Variants in AUTS2 observed in about 807,000 individuals in gnomAD.
AUTS2 encodes autism susceptibility gene 2 protein.
In AUTS2, 17 loss-of-function variants were observed where a neutral mutation model predicts 112.4. That is an observed-to-expected ratio of 0.15 (90% CI 0.10 to 0.23). The LOEUF is 0.23. AUTS2 is among the 10% of genes least tolerant of loss of function. The pLI, the probability that AUTS2 is intolerant of heterozygous loss-of-function variation, is 1.00. For synonymous variants in AUTS2, 751 were observed against 702.7 expected (o/e 1.07, Z -1.09); for missense variants, 1,510 against 1,701.6 (o/e 0.89, Z 1.98).
In AUTS2 at chr7:69,698,095, A is replaced by G. The variant is rs552057598; in HGVS notation, c.309+98133A>G. On this transcript the variant is annotated intron_variant, in intron 1 of 18. Coordinates refer to ENST00000342771, the MANE Select transcript of AUTS2 (RefSeq NM_015570.4). ...GTAAAATACATCTATGTATAACTCA[A>G]TTTATACATAGAACTCTCTAGGGCA... 2.6e-5 allele frequency among the ~76,000 whole-genome samples: 4 copies of G among 152,300 alleles called. No homozygotes were observed. The South Asian group carries it at 6.2e-4, about 24-fold the overall frequency.
intron 1 of AUTS2, among the ~76,000 whole-genome samples, chr7:69,817,785 G>T (rs1790826292): frequency 6.6e-6 from 1 of 152,320 alleles, no homozygotes; most frequent in East Asian, 1.9e-4. Context: ...GGAGGCAGGT[G>T]CTGTCCCCTC....
At chr7:70,147,388 G>T (rs1234411409) in intron 4 of AUTS2, among the ~76,000 whole-genome samples, 1 of 116,214 alleles carries the variant, frequency 8.6e-6, no homozygotes, top group African/African-American at 3.3e-5. Context: ...GTGTGTAGAT[G>T]GAGGCAGAAC....
chr7:70,258,681 G>A (rs1405814685), intron 4 of AUTS2, among the ~76,000 whole-genome samples: 1 of 152,122 alleles, frequency 6.6e-6, no homozygotes, highest in African/African-American at 2.4e-5. Flanking sequence ...TGTGAAAATG[G>A]CATTTGTTTT....
chr7:70,154,838 G>C (rs980942687), intron 4 of AUTS2, among the ~76,000 whole-genome samples: 3 of 152,130 alleles, frequency 2.0e-5, no homozygotes, highest in Non-Finnish European at 4.4e-5. Context: ...GGCTATGGTT[G>C]GTTGGGTGCT....
chr7:70,753,213 C>T (rs2129555654), intron 6 of AUTS2, among the ~76,000 whole-genome samples: 1 of 152,280 alleles, frequency 6.6e-6, no homozygotes, highest in African/African-American at 2.4e-5. Flanking sequence ...CACTGGACTC[C>T]ACACAGCTCT....
chr7:69,979,480 A>C (rs933072893), intron 2 of AUTS2, among the ~76,000 whole-genome samples: 1 of 152,250 alleles, frequency 6.6e-6, no homozygotes, highest in Non-Finnish European at 1.5e-5. Context: ...AAGGATTTCA[A>C]TTACAGTCAT....
At chr7:70,188,248 T>G (rs1199314499) in intron 4 of AUTS2, among the ~76,000 whole-genome samples, 3 of 152,124 alleles carry the variant, frequency 2.0e-5, no homozygotes, top group Non-Finnish European at 4.4e-5. Context: ...AGGATAGGGT[T>G]TTATCATTCC....
chr7:70,633,498 C>T (rs1805375968), intron 5 of AUTS2, among the ~76,000 whole-genome samples: 1 of 151,730 alleles, frequency 6.6e-6, no homozygotes, highest in Non-Finnish European at 1.5e-5. Context: ...GTAATCCCAG[C>T]TGCTCGGGAG....
At chr7:70,683,810 T>C (rs187609402) in intron 5 of AUTS2, among the ~76,000 whole-genome samples, 13 of 152,336 alleles carry the variant, frequency 8.5e-5, no homozygotes, top group Non-Finnish European at 1.3e-4. Context: ...ATCTACAAAC[T>C]GTGCTAATTT....
At chr7:70,181,739 T>A (rs1179972945) in intron 4 of AUTS2, among the ~76,000 whole-genome samples, 3 of 151,382 alleles carry the variant, frequency 2.0e-5, no homozygotes, top group Admixed American at 1.3e-4. Flanking sequence ...TCCGCCCCCC[T>A]CGGCCTCCCA....
chr7:70,245,583 C>T (rs1812882218), intron 4 of AUTS2, among the ~76,000 whole-genome samples: 1 of 152,102 alleles, frequency 6.6e-6, no homozygotes, highest in African/African-American at 2.4e-5. Flanking sequence ...GTAATGCATT[C>T]ATTTTCACTG....
At chr7:70,644,182 G>A (rs1363574413) in intron 5 of AUTS2, among the ~76,000 whole-genome samples, 1 of 152,230 alleles carries the variant, frequency 6.6e-6, no homozygotes, top group Non-Finnish European at 1.5e-5. Flanking sequence ...GTCATCTATT[G>A]AAAAGGTTGT....
At chr7:70,008,223 T>G (rs1296294201) in intron 2 of AUTS2, among the ~76,000 whole-genome samples, 5 of 152,210 alleles carry the variant, frequency 3.3e-5, no homozygotes, top group Non-Finnish European at 7.3e-5. Flanking sequence ...TTTATAATTC[T>G]CTCCCACAAA....
intron 4 of AUTS2, among the ~76,000 whole-genome samples, chr7:70,377,325 A>AT (rs1793136070): frequency 5.8e-5 from 3 of 52,060 alleles, no homozygotes; most frequent in South Asian, 9.0e-4. Context: ...AACAAATATA[A>AT]ATATATATAT....
intron 5 of AUTS2, among the ~76,000 whole-genome samples, chr7:70,485,851 G>A (rs1257869056): frequency 6.6e-6 from 1 of 152,066 alleles, no homozygotes; most frequent in East Asian, 1.9e-4. Flanking sequence ...CATGCAGGGT[G>A]CAGCTGTGGC....
At chr7:70,609,669 T>C (rs1383687022) in intron 5 of AUTS2, among the ~76,000 whole-genome samples, 1 of 151,878 alleles carries the variant, frequency 6.6e-6, no homozygotes, top group African/African-American at 2.4e-5. Context: ...CCTCATGATC[T>C]GCCCACCTCT....
intron 4 of AUTS2, among the ~76,000 whole-genome samples, chr7:70,338,165 C>T (rs1468670240): frequency 6.6e-6 from 1 of 152,158 alleles, no homozygotes; most frequent in Non-Finnish European, 1.5e-5. Context: ...ACTCTCTGCT[C>T]TACATTTAAT....
intron 1 of AUTS2, among the ~76,000 whole-genome samples, chr7:69,845,658 T>A (rs927480803): frequency 6.6e-6 from 1 of 152,120 alleles, no homozygotes; most frequent in Non-Finnish European, 1.5e-5. Flanking sequence ...AGGGGAGTGT[T>A]TGTGAACGAA....
chr7:70,269,881 A>G (rs1379132738), intron 4 of AUTS2, among the ~76,000 whole-genome samples: 2 of 152,172 alleles, frequency 1.3e-5, no homozygotes, highest in African/African-American at 4.8e-5. Context: ...TGAAATAAAA[A>G]ACAGAATTGA....
Sources: allele counts gnomAD v4.1 joint callset (sites outside exome capture counted in the v4.1 genomes callset), GRCh38; gene constraint gnomAD v4.1.1; transcripts MANE v1.5; gene names NCBI Gene and HGNC (gene_info 2026-07-23, HGNC 2026-07-21).